The following BABAM2 variants were observed in gnomAD, a reference collection of about 807,000 sequenced individuals.
BABAM2 encodes BRISC and BRCA1-A complex member 2.
In BABAM2, 31 loss-of-function variants were observed where a neutral mutation model predicts 54.7. The ratio of observed to expected loss-of-function variants is 0.57; its 90% CI spans 0.43 to 0.77. BABAM2 has a LOEUF of 0.77. BABAM2 is among the 30% of genes least tolerant of loss of function. The pLI is 0.00. For missense variants in BABAM2, 364 were observed against 455.8 expected (o/e 0.80, Z 1.83); for synonymous variants, 167 against 162.9 (o/e 1.03, Z -0.19).
intron 10 of BABAM2, among the ~76,000 whole-genome samples, chr2:28,278,428 G>A (rs1354661678): frequency 6.6e-6 from 1 of 152,192 alleles, no homozygotes; most frequent in Admixed American, 6.5e-5. Flanking sequence ...AAAGGACTTG[G>A]TGAACACTCA....
chr2:28,025,808 G>C (rs1032831239), intron 5 of BABAM2, among the ~76,000 whole-genome samples: 1 of 152,226 alleles, frequency 6.6e-6, no homozygotes, highest in Non-Finnish European at 1.5e-5. Context: ...AGTCAGGTAA[G>C]AGAGGTCAGT....
chr2:27,898,968 A>T (rs916483828), intron 2 of BABAM2, among the ~76,000 whole-genome samples: 1 of 151,938 alleles, frequency 6.6e-6, no homozygotes, highest in Admixed American at 6.6e-5. Flanking sequence ...AAAAAAAAAA[A>T]ACCAAACAAC....
chr2:27,912,725 C>T (rs1666694127), intron 2 of BABAM2, among the ~76,000 whole-genome samples: 1 of 152,150 alleles, frequency 6.6e-6, no homozygotes, highest in Admixed American at 6.5e-5. Context: ...GATTGGATGA[C>T]CCCTTCAAAC....
intron 4 of BABAM2, among the ~76,000 whole-genome samples, chr2:28,024,232 G>A (rs1186504403): frequency 6.6e-6 from 1 of 151,926 alleles, no homozygotes; most frequent in Admixed American, 6.6e-5. Flanking sequence ...GTGAAACCCC[G>A]TCTCTACTAA....
chr2:28,183,739 T>TCTCACACACACACACA (rs1553336494), intron 7 of BABAM2, among the ~76,000 whole-genome samples: 78 of 133,214 alleles, frequency 5.9e-4, no homozygotes, highest in African/African-American at 2.0e-3. Flanking sequence ...TGGATGAAGA[T>TCTCACACACACACACA]CACACACACA....
At chr2:28,070,947 C>G (rs562646927) in intron 6 of BABAM2, among the ~76,000 whole-genome samples, 78 of 152,260 alleles carry the variant, frequency 5.1e-4, no homozygotes, top group African/African-American at 1.9e-3. Context: ...TTAGTGAGAT[C>G]ATAGCACACC....
intron 7 of BABAM2, among the ~76,000 whole-genome samples, chr2:28,168,390 T>C (rs1457830313): frequency 6.6e-6 from 1 of 152,224 alleles, no homozygotes; most frequent in African/African-American, 2.4e-5. Context: ...CATTTGGCAC[T>C]TTCAAAAGCC....
chr2:28,011,858 T>G (rs1374319959), intron 4 of BABAM2, among the ~76,000 whole-genome samples: 1 of 152,080 alleles, frequency 6.6e-6, no homozygotes, highest in East Asian at 1.9e-4. Flanking sequence ...TCTGGGAGAA[T>G]GGATAGGAGT....
chr2:28,098,228 C>T (rs1449583046), intron 6 of BABAM2, among the ~76,000 whole-genome samples: 1 of 152,170 alleles, frequency 6.6e-6, no homozygotes, highest in Non-Finnish European at 1.5e-5. Context: ...ATTCTGCTGT[C>T]AGACTTTATG....
chr2:28,298,390 C>G lies in BABAM2; in HGVS notation c.987C>G (p.Ser329=). The change falls in exon 11 of 12, where the codon TCC becomes TCG. Residue 329 remains serine, a synonymous_variant. Coordinates refer to ENST00000379624, the MANE Select transcript of BABAM2 (RefSeq NM_199191.3). The part of the protein sequence containing the change: ...PRDQPTLTFQ[S]VYHFTNSGQL... ...ACCAGCCAACTCTCACATTTCAGTC[C>G]GTTTATCACTTTACCAACAGTGGAC... is the stretch of plus-strand genomic sequence containing the variant. The G allele has an allele frequency of 1.2e-6, 2 of 1,614,050 alleles. No homozygotes were observed. The highest frequency in any genetic ancestry group is 1.7e-6 in the Non-Finnish European group (2 of 1,179,954).
At chr2:27,974,726 A>G (rs1172175113) in intron 3 of BABAM2, among the ~76,000 whole-genome samples, 1 of 152,130 alleles carries the variant, frequency 6.6e-6, no homozygotes, top group Non-Finnish European at 1.5e-5. Context: ...CAAATCCTAT[A>G]TAACATAGTA....
intron 7 of BABAM2, among the ~76,000 whole-genome samples, chr2:28,211,028 A>G (rs985157708): frequency 3.3e-5 from 5 of 152,238 alleles, no homozygotes; most frequent in Admixed American, 6.5e-5. Context: ...AATGTAATCT[A>G]TATGATTTGG....
intron 6 of BABAM2, among the ~76,000 whole-genome samples, chr2:28,113,757 C>T (rs761894771): frequency 3.3e-5 from 5 of 152,114 alleles, no homozygotes; most frequent in African/African-American, 1.2e-4. Context: ...GCCATTTTTA[C>T]GATATTGATT....
chr2:28,053,702 G>A (rs535068765), intron 6 of BABAM2, among the ~76,000 whole-genome samples: 2 of 152,214 alleles, frequency 1.3e-5, no homozygotes, highest in South Asian at 4.1e-4. Flanking sequence ...AGAGCAGACA[G>A]GACTTAGGGA....
rs144973419 is a variant in BABAM2, at chr2:28,080,442, G to A, written c.570+34643G>A. 3.5e-3 allele frequency among the ~76,000 whole-genome samples: 528 copies of A among 152,216 alleles called. 1 individual carries two copies. The highest frequency in any genetic ancestry group is 4.6e-3 in the Non-Finnish European group (315 of 68,006). ...ATTTCAGTACCAAAATTTGTCTATAGGATAGACTACCTGGATGAGGCAAAA... is the reference window on the plus strand; with the variant it reads ...ATTTCAGTACCAAAATTTGTCTATAAGATAGACTACCTGGATGAGGCAAAA... On this transcript the variant is annotated intron_variant, in intron 6 of 11. Transcript: ENST00000379624.
chr2:28,119,220 G>C (rs1327482091), intron 6 of BABAM2, among the ~76,000 whole-genome samples: 1 of 152,150 alleles, frequency 6.6e-6, no homozygotes, highest in Non-Finnish European at 1.5e-5. Context: ...CTTTAAGTAA[G>C]CCCAGAGGAA....
intron 2 of BABAM2, chr2:27,897,297 G>C (rs1368551595): frequency 6.6e-6 from 1 of 152,128 alleles, no homozygotes; most frequent in Non-Finnish European, 1.5e-5. Context: ...CTAAAGACTT[G>C]GGTATAAGAA....
At chr2:28,242,100 G>T (rs1682495693) in intron 9 of BABAM2, among the ~76,000 whole-genome samples, 1 of 152,124 alleles carries the variant, frequency 6.6e-6, no homozygotes, top group Admixed American at 6.6e-5. Flanking sequence ...TGAAATTGCG[G>T]TAAGTTCAGT....
chr2:28,166,470 T>C (rs1370491707), intron 7 of BABAM2, among the ~76,000 whole-genome samples: 1 of 152,152 alleles, frequency 6.6e-6, no homozygotes, highest in Non-Finnish European at 1.5e-5. Context: ...GATGCCAAAC[T>C]AGTAAATCTG....
Sources: gnomAD v4.1 joint callset for allele counts (sites outside exome capture counted in the v4.1 genomes callset) on GRCh38, gnomAD v4.1.1 for gene constraint, MANE v1.5 for transcripts, NCBI Gene and HGNC (gene_info 2026-07-23, HGNC 2026-07-21) for gene names.